The following HDAC9 variants were observed in gnomAD, a reference collection of about 807,000 sequenced individuals.
HDAC9 encodes histone deacetylase 9.
A neutral mutation model predicts 139.4 loss-of-function variants in HDAC9; 41 were observed. The ratio of observed to expected loss-of-function variants is 0.29; its 90% CI spans 0.23 to 0.38. HDAC9 has a LOEUF of 0.38. Among genes scored for constraint, HDAC9 ranks in the 10% least tolerant of loss-of-function variants. The pLI is 1.00. For missense variants in HDAC9, 1,147 were observed against 1,297.0 expected (o/e 0.88, Z 1.78); for synonymous variants, 517 against 476.2 (o/e 1.09, Z -1.12).
At chr7:18,478,696 T>G (rs1452073685) in intron 1 of HDAC9, among the ~76,000 whole-genome samples, 1 of 152,208 alleles carries the variant, frequency 6.6e-6, no homozygotes, top group Non-Finnish European at 1.5e-5. Context: ...GAAAATTTCT[T>G]GAGAAACTCT....
chr7:18,976,596 AT>A (rs1208947737), intron 25 of HDAC9, among the ~76,000 whole-genome samples: 1 of 152,200 alleles, frequency 6.6e-6, no homozygotes. Flanking sequence ...TGGAGAAAAA[AT>A]ACAGTGAAAC....
intron 11 of HDAC9, among the ~76,000 whole-genome samples, chr7:18,663,447 G>A (rs962478582): frequency 1.6e-4 from 24 of 151,842 alleles, no homozygotes; most frequent in Non-Finnish European, 2.6e-4. Context: ...TCCAAGTCGC[G>A]CCCTCCCTCC....
chr7:18,851,399 C>T (rs1199209160), intron 21 of HDAC9: 3 of 152,446 alleles, frequency 2.0e-5, no homozygotes, highest in African/African-American at 7.2e-5. Flanking sequence ...CTCTCTGTGT[C>T]TCCTGCTGCC....
At chr7:18,810,403 TCTG>T (rs922553023) in intron 17 of HDAC9, among the ~76,000 whole-genome samples, 1 of 151,904 alleles carries the variant, frequency 6.6e-6, no homozygotes, top group African/African-American at 2.4e-5. Flanking sequence ...GGGGAAATAT[TCTG>T]CTTACCACAA....
intron 2 of HDAC9, among the ~76,000 whole-genome samples, chr7:18,190,482 T>TA (rs921762849): frequency 6.6e-6 from 1 of 152,222 alleles, no homozygotes; most frequent in African/African-American, 2.4e-5. Flanking sequence ...ACAATGGGGC[T>TA]ATATCCTGAT....
chr7:18,382,261 G>T (rs931320138), intron 1 of HDAC9, among the ~76,000 whole-genome samples: 7 of 152,112 alleles, frequency 4.6e-5, no homozygotes, highest in African/African-American at 1.4e-4. Flanking sequence ...TCCCAAGCCA[G>T]ATTGAAATAT....
At chr7:18,233,370 A>G (rs1250462662) in intron 2 of HDAC9, among the ~76,000 whole-genome samples, 3 of 152,006 alleles carry the variant, frequency 2.0e-5, no homozygotes, top group African/African-American at 7.2e-5. Flanking sequence ...CTCTTGGACC[A>G]TTAATTATGC....
At chr7:18,544,933 C>T (rs762522314) in intron 2 of HDAC9, among the ~76,000 whole-genome samples, 2 of 152,096 alleles carry the variant, frequency 1.3e-5, no homozygotes, top group East Asian at 1.9e-4. Flanking sequence ...AAACCTTTGG[C>T]GATATCTGGA....
intron 2 of HDAC9, among the ~76,000 whole-genome samples, chr7:18,500,301 T>C (rs1435788690): frequency 6.6e-6 from 1 of 152,184 alleles, no homozygotes; most frequent in Non-Finnish European, 1.5e-5. Flanking sequence ...ATGTGCCTCA[T>C]AATTTCTCAC....
At chr7:18,550,332 A>T (rs765255041) in intron 2 of HDAC9, among the ~76,000 whole-genome samples, 2 of 152,100 alleles carry the variant, frequency 1.3e-5, no homozygotes, top group Non-Finnish European at 2.9e-5. Context: ...TGATTTCCCA[A>T]CCTATATGTA....
intron 14 of HDAC9, among the ~76,000 whole-genome samples, chr7:18,751,722 T>G (rs1308317625): frequency 6.6e-6 from 1 of 152,132 alleles, no homozygotes; most frequent in Non-Finnish European, 1.5e-5. Flanking sequence ...AATTAAATTT[T>G]AGAAAGTATT....
chr7:18,762,634 T>A (rs1391749362), intron 15 of HDAC9, among the ~76,000 whole-genome samples: 1 of 152,218 alleles, frequency 6.6e-6, no homozygotes, highest in Non-Finnish European at 1.5e-5. Context: ...TCTTCACCGT[T>A]CCCATTTTTT....
intron 22 of HDAC9, among the ~76,000 whole-genome samples, chr7:18,885,754 A>G (rs2129262264): frequency 6.6e-6 from 1 of 152,376 alleles, no homozygotes; most frequent in African/African-American, 2.4e-5. Flanking sequence ...AATTTTTCCA[A>G]CAATGACTTT....
At chr7:18,652,216 C>T (rs1789508636) in intron 11 of HDAC9, among the ~76,000 whole-genome samples, 1 of 152,060 alleles carries the variant, frequency 6.6e-6, no homozygotes, top group Non-Finnish European at 1.5e-5. Flanking sequence ...TTTCTTTATA[C>T]CAGCATCAAG....
chr7:18,247,043 A>C (rs1794593957), intron 2 of HDAC9, among the ~76,000 whole-genome samples: 1 of 152,028 alleles, frequency 6.6e-6, no homozygotes, highest in South Asian at 2.1e-4. Context: ...GAGACAGGGA[A>C]GCTATGGCTG....
chr7:18,233,846 T>A (rs886185193), intron 2 of HDAC9, among the ~76,000 whole-genome samples: 2 of 152,224 alleles, frequency 1.3e-5, no homozygotes, highest in African/African-American at 2.4e-5. Flanking sequence ...TTGTTTTATC[T>A]TGTCAACACA....
intron 1 of HDAC9, among the ~76,000 whole-genome samples, chr7:18,478,298 C>T (rs531888397): frequency 1.1e-3 from 172 of 152,280 alleles, no homozygotes; most frequent in African/African-American, 4.0e-3. Context: ...GTCTTGATCT[C>T]CTGACCTCGG....
intron 2 of HDAC9, among the ~76,000 whole-genome samples, chr7:18,174,628 G>A (rs2128135980): frequency 6.6e-6 from 1 of 152,282 alleles, no homozygotes; most frequent in South Asian, 2.1e-4. Context: ...CCTACAGATG[G>A]GATTTTGGTG....
chr7:18,563,911 C>T (rs1049465915), intron 2 of HDAC9, among the ~76,000 whole-genome samples: 11 of 149,034 alleles, frequency 7.4e-5, no homozygotes, highest in South Asian at 4.2e-4. Flanking sequence ...TCTTGGCTGA[C>T]TGCAACCCTG....
Sources: gnomAD v4.1 joint callset for allele counts (sites outside exome capture counted in the v4.1 genomes callset) on GRCh38, gnomAD v4.1.1 for gene constraint, MANE v1.5 for transcripts, NCBI Gene and HGNC (gene_info 2026-07-23, HGNC 2026-07-21) for gene names.